Variants in HFM1 observed in about 807,000 individuals in gnomAD.
HFM1 encodes the protein probable ATP-dependent DNA helicase HFM1.
HFM1 carries 169 observed loss-of-function variants against 192.1 expected under a neutral mutation model. The observed-to-expected ratio is 0.88, with a 90% CI of 0.78 to 1.00. HFM1 has a LOEUF of 1.00. Ranked by LOEUF, HFM1 falls within the 50% of genes least tolerant of loss-of-function variation. The pLI is 0.00. For missense variants in HFM1, 1,661 were observed against 1,668.0 expected (o/e 1.00, Z 0.07); for synonymous variants, 525 against 537.8 (o/e 0.98, Z 0.33).
rs535765092 is a variant in HFM1 at position 91,289,978 on chromosome 1, C to A, written c.3392-12916G>T. ...TTCATAAGTGAAGGAGAAATAAAAT[C>A]CTTTACAGACAAGCAAATGCTGAGA... On this transcript the variant is annotated intron_variant, in intron 30 of 38. Transcript: ENST00000370425. 8.0e-3 allele frequency among the ~76,000 whole-genome samples: 1,210 copies of A among 152,146 alleles called. 25 individuals carry two copies. Among genetic ancestry groups the A allele is most frequent in the African/African-American group, 0.028 (1,150 of 41,482 alleles).
chr1:91,277,697 ATATATTATATATACTT>A (rs1667004445), intron 30 of HFM1, among the ~76,000 whole-genome samples: 2 of 125,798 alleles, frequency 1.6e-5, no homozygotes, highest in African/African-American at 3.1e-5. Flanking sequence ...ATATACTAAT[ATATATTATATATACTT>A]TATATAATAT....
At chr1:91,267,971 G>A (rs1244257514) in intron 34 of HFM1, 116 bp from the exon 35 acceptor site, 2 of 628,806 alleles carry the variant, frequency 3.2e-6, no homozygotes, top group African/African-American at 3.9e-5. Flanking sequence ...TTGTAGAACA[G>A]TTACATCTAG....
chr1:91,376,504 G>A (rs1660924690), intron 11 of HFM1, among the ~76,000 whole-genome samples: 1 of 151,862 alleles, frequency 6.6e-6, no homozygotes, highest in Non-Finnish European at 1.5e-5. Flanking sequence ...CACAAGTAGT[G>A]TTTATCACAA....
chr1:91,354,421 A>G (rs1477587918), intron 13 of HFM1, among the ~76,000 whole-genome samples: 1 of 152,028 alleles, frequency 6.6e-6, no homozygotes, highest in Non-Finnish European at 1.5e-5. Flanking sequence ...TAGAAAGTTT[A>G]TTTAATAAAA....
chr1:91,340,146 T>C (rs281948), intron 20 of HFM1, among the ~76,000 whole-genome samples: 152,072 of 152,254 alleles, frequency 1, 75,945 homozygotes, highest in Non-Finnish European at 1. Flanking sequence ...GCCGGGACTA[T>C]AGACACATGC....
chr1:91,300,032 G>A (rs550033142), intron 30 of HFM1, among the ~76,000 whole-genome samples: 34 of 152,052 alleles, frequency 2.2e-4, no homozygotes, highest in East Asian at 1.2e-3. Flanking sequence ...TTGATAGACC[G>A]CTAGCAAGAC....
rs533144997 is a variant in HFM1 at position 91,277,312 on chromosome 1, TG to T, written c.3392-251del. The stretch of plus-strand genomic sequence containing the variant: ...AATTAGTATTACAGCCTCAATCTCC[TG>T]GGCTCAAGAGATCCTCCTGTTTCAG... On this transcript the variant is annotated intron_variant, in intron 30 of 38. Coordinates refer to ENST00000370425, the MANE Select transcript of HFM1 (RefSeq NM_001017975.6). 1.8e-3 allele frequency among the ~76,000 whole-genome samples: 276 copies of T among 151,616 alleles called. 3 individuals are homozygous for T. The highest frequency in any genetic ancestry group is 2.1e-3 in the Admixed American group (32 of 15,168).
At chr1:91,368,208 C>T (rs1371622516) in intron 13 of HFM1, among the ~76,000 whole-genome samples, 1 of 152,182 alleles carries the variant, frequency 6.6e-6, no homozygotes, top group Non-Finnish European at 1.5e-5. Context: ...TCCAATCTAG[C>T]AAGGCAGGCC....
intron 13 of HFM1, among the ~76,000 whole-genome samples, chr1:91,367,851 T>TG (rs1659587122): frequency 2.0e-5 from 3 of 151,866 alleles, no homozygotes; most frequent in Admixed American, 2.0e-4. Context: ...TTAAAAACCT[T>TG]GAAAAAAAAT....
chr1:91,290,359 T>C (rs1184730581), intron 30 of HFM1, among the ~76,000 whole-genome samples: 1 of 152,218 alleles, frequency 6.6e-6, no homozygotes, highest in South Asian at 2.1e-4. Context: ...GAGGAAGATC[T>C]ACCAAGCAAA....
chr1:91,324,495 T>C (rs1358399914), intron 21 of HFM1, among the ~76,000 whole-genome samples, 180 bp downstream of exon 21: 2 of 152,218 alleles, frequency 1.3e-5, no homozygotes, highest in African/African-American at 4.8e-5. Context: ...ATATAATATA[T>C]TCTAAGAAAG....
chr1:91,395,318 AT>A (rs1390000074), intron 3 of HFM1, among the ~76,000 whole-genome samples: 2 of 152,194 alleles, frequency 1.3e-5, no homozygotes, highest in East Asian at 3.8e-4. Flanking sequence ...CACAGAAAAA[AT>A]ATTCATAAAA....
intron 30 of HFM1, among the ~76,000 whole-genome samples, chr1:91,279,698 A>T (rs1371471223): frequency 6.6e-6 from 1 of 152,014 alleles, no homozygotes; most frequent in African/African-American, 2.4e-5. Flanking sequence ...GTCTTAGAAG[A>T]CCCTCATTTC....
intron 1 of HFM1, among the ~76,000 whole-genome samples, chr1:91,403,934 ATTAC>A (rs753648258): frequency 6.6e-6 from 1 of 152,194 alleles, no homozygotes; most frequent in Non-Finnish European, 1.5e-5. Flanking sequence ...TTGCAGGCCT[ATTAC>A]TTCTTACAAT....
intron 30 of HFM1, among the ~76,000 whole-genome samples, chr1:91,289,081 C>T (rs940183716): frequency 1.4e-4 from 21 of 151,498 alleles, no homozygotes; most frequent in African/African-American, 4.1e-4. Context: ...GGCTGCCGGG[C>T]GGAGACACTC....
chr1:91,390,485 G>T (rs1662828742), intron 4 of HFM1, among the ~76,000 whole-genome samples: 1 of 150,794 alleles, frequency 6.6e-6, no homozygotes, highest in African/African-American at 2.4e-5. Flanking sequence ...AAGGAGGGAG[G>T]CAGGGAGGGA....
chr1:91,297,808 G>C (rs1372596888), intron 30 of HFM1, among the ~76,000 whole-genome samples: 1 of 152,174 alleles, frequency 6.6e-6, no homozygotes, highest in Non-Finnish European at 1.5e-5. Context: ...CATCATCAAA[G>C]ACCAAAGGTA....
chr1:91,271,394 A>G (rs1319946188), intron 34 of HFM1, among the ~76,000 whole-genome samples: 1 of 152,188 alleles, frequency 6.6e-6, no homozygotes, highest in Non-Finnish European at 1.5e-5. Flanking sequence ...GATACTTTTC[A>G]GTTTACTTGA....
chr1:91,374,159 G>T (rs1660611049), intron 13 of HFM1, among the ~76,000 whole-genome samples: 1 of 152,118 alleles, frequency 6.6e-6, no homozygotes, highest in African/African-American at 2.4e-5. Flanking sequence ...CAGAGTAACA[G>T]TTTGGTGTAT....
Sources: gnomAD v4.1 joint callset for allele counts (sites outside exome capture counted in the v4.1 genomes callset) on GRCh38, gnomAD v4.1.1 for gene constraint, MANE v1.5 for transcripts, NCBI Gene and HGNC (gene_info 2026-07-23, HGNC 2026-07-21) for gene names.